PLCB1: variants seen among roughly 807,000 people sequenced by gnomAD.
PLCB1 encodes phospholipase C beta 1.
A neutral mutation model predicts 161.8 loss-of-function variants in PLCB1; 46 were observed. The observed-to-expected ratio is 0.28, with a 90% CI of 0.22 to 0.36. The LOEUF is 0.36. Ranked by LOEUF, PLCB1 falls within the 10% of genes least tolerant of loss-of-function variation. The pLI is 1.00. For missense variants in PLCB1, 1,016 were observed against 1,472.5 expected (o/e 0.69, Z 5.07); for synonymous variants, 517 against 503.7 (o/e 1.03, Z -0.35).
chr20:8,297,094 A>G (rs1313181754), intron 2 of PLCB1, among the ~76,000 whole-genome samples: 17 of 152,054 alleles, frequency 1.1e-4, no homozygotes, highest in Admixed American at 1.1e-3. Context: ...ATACATCTGT[A>G]TAGATGTATG....
Position 8,646,082 on chromosome 20 carries a change from G to A in PLCB1, c.385-20G>A. 2 of 1,548,572 alleles carry A rather than the reference G, an allele frequency of 1.3e-6. No homozygotes were observed. The highest frequency in any genetic ancestry group is 1.8e-6 in the Non-Finnish European group (2 of 1,120,208). ...CTGTGCAGTATTTAAGCTAATGCAA[G>A]TGTTATTTACATTTTTCAGGAATGG... On this transcript the variant is annotated intron_variant, in intron 4 of 31. Coordinates refer to ENST00000338037, the MANE Select transcript of PLCB1 (RefSeq NM_015192.4).
intron 3 of PLCB1, among the ~76,000 whole-genome samples, chr20:8,376,560 A>C (rs988055530): frequency 6.6e-6 from 1 of 152,224 alleles, no homozygotes; most frequent in African/African-American, 2.4e-5. Context: ...ACAAAAAGAC[A>C]AACAGCTATG....
intron 3 of PLCB1, among the ~76,000 whole-genome samples, chr20:8,505,526 T>G (rs1983604701): frequency 6.6e-6 from 1 of 152,228 alleles, no homozygotes; most frequent in Admixed American, 6.5e-5. Context: ...TATAGCCTAC[T>G]AGTCAGTTTG....
intron 2 of PLCB1, among the ~76,000 whole-genome samples, chr20:8,266,060 T>G (rs1180253872): frequency 6.6e-6 from 1 of 152,340 alleles, no homozygotes; most frequent in Admixed American, 6.5e-5. Context: ...TGGGTTCTTC[T>G]TTTTCAGTCG....
At chr20:8,266,614 A>G (rs535695731) in intron 2 of PLCB1, among the ~76,000 whole-genome samples, 2 of 152,296 alleles carry the variant, frequency 1.3e-5, no homozygotes, top group South Asian at 2.1e-4. Context: ...AATGAAACCA[A>G]TCTACCACAG....
chr20:8,450,925 A>C (rs1167048552), intron 3 of PLCB1, among the ~76,000 whole-genome samples: 2 of 152,226 alleles, frequency 1.3e-5, no homozygotes, highest in Non-Finnish European at 2.9e-5. Flanking sequence ...GTTAAGTTGT[A>C]AAAAGTAGGC....
chr20:8,661,310 T>C (rs1989614859), intron 9 of PLCB1, among the ~76,000 whole-genome samples: 1 of 152,110 alleles, frequency 6.6e-6, no homozygotes, highest in African/African-American at 2.4e-5. Context: ...GAATATTGCC[T>C]AGTGGTCTCT....
chr20:8,376,087 G>A (rs1010950904), intron 3 of PLCB1, among the ~76,000 whole-genome samples: 7 of 152,120 alleles, frequency 4.6e-5, no homozygotes, highest in South Asian at 2.1e-4. Flanking sequence ...CACAGGGAGC[G>A]ACCTCAGGGT....
chr20:8,151,540 A>G (rs1027822710), intron 2 of PLCB1, among the ~76,000 whole-genome samples: 2 of 152,190 alleles, frequency 1.3e-5, no homozygotes, highest in African/African-American at 4.8e-5. Context: ...GCTAATGTCA[A>G]AAATTGTATG....
chr20:8,172,773 C>T (rs1477430688), intron 2 of PLCB1, among the ~76,000 whole-genome samples: 1 of 152,086 alleles, frequency 6.6e-6, no homozygotes. Flanking sequence ...TGAGAGGCAA[C>T]CAGCAGAGGA....
At chr20:8,488,944 G>A (rs2122770048) in intron 3 of PLCB1, among the ~76,000 whole-genome samples, 1 of 152,270 alleles carries the variant, frequency 6.6e-6, no homozygotes, top group Non-Finnish European at 1.5e-5. Flanking sequence ...ACATGGCAAA[G>A]GTTTACAGTT....
intron 2 of PLCB1, among the ~76,000 whole-genome samples, chr20:8,332,561 A>G (rs1204203853): frequency 4.6e-5 from 7 of 152,264 alleles, no homozygotes; most frequent in Non-Finnish European, 4.4e-5. Context: ...TAGTGTGGTA[A>G]CTATGATTAT....
chr20:8,141,552 G>A (rs186886768), intron 1 of PLCB1, among the ~76,000 whole-genome samples: 1 of 151,182 alleles, frequency 6.6e-6, no homozygotes, highest in East Asian at 1.9e-4. Context: ...AAACCCAGGA[G>A]GCAGGCAGAG....
intron 3 of PLCB1, among the ~76,000 whole-genome samples, chr20:8,558,273 A>G (rs1005517081): frequency 4.6e-5 from 7 of 151,992 alleles, no homozygotes; most frequent in East Asian, 1.9e-4. Flanking sequence ...AAAATATCTC[A>G]TATAATACAT....
chr20:8,135,530 A>G (rs8126354), intron 1 of PLCB1, among the ~76,000 whole-genome samples: 2 of 152,150 alleles, frequency 1.3e-5, no homozygotes, highest in Non-Finnish European at 2.9e-5. Context: ...GCAGGGGGGT[A>G]ATAGATCCTG....
At chr20:8,157,225 C>T (rs1326930773) in intron 2 of PLCB1, among the ~76,000 whole-genome samples, 1 of 152,144 alleles carries the variant, frequency 6.6e-6, no homozygotes, top group East Asian at 1.9e-4. Context: ...TTCTTGGACC[C>T]TTGGAAATTT....
At chr20:8,292,214 C>T (rs929541984) in intron 2 of PLCB1, among the ~76,000 whole-genome samples, 12 of 152,046 alleles carry the variant, frequency 7.9e-5, no homozygotes, top group African/African-American at 2.7e-4. Flanking sequence ...ACTCTAGGGT[C>T]GAATGGGGAT....
At chr20:8,815,447 C>T (rs1985041249) in intron 31 of PLCB1, among the ~76,000 whole-genome samples, 1 of 152,212 alleles carries the variant, frequency 6.6e-6, no homozygotes, top group Non-Finnish European at 1.5e-5. Context: ...TATCATCTTG[C>T]AACGGTGGGA....
intron 3 of PLCB1, among the ~76,000 whole-genome samples, chr20:8,618,632 T>C (rs1988094940): frequency 6.6e-6 from 1 of 152,074 alleles, no homozygotes; most frequent in Admixed American, 6.6e-5. Context: ...AAAATTGAGG[T>C]CTTAGAGATG....
Sources: allele counts gnomAD v4.1 joint callset (sites outside exome capture counted in the v4.1 genomes callset), GRCh38; gene constraint gnomAD v4.1.1; transcripts MANE v1.5; gene names NCBI Gene and HGNC (gene_info 2026-07-23, HGNC 2026-07-21).